Variants in LRP2 observed in about 807,000 individuals in gnomAD.
The protein encoded by LRP2 is LDL receptor related protein 2, also known as low-density lipoprotein receptor-related protein 2.
A neutral mutation model predicts 531.0 loss-of-function variants in LRP2; 172 were observed. The ratio of observed to expected loss-of-function variants is 0.32; its 90% CI spans 0.29 to 0.37. The LOEUF (loss-of-function observed/expected upper bound fraction) is 0.37. Among genes scored for constraint, LRP2 ranks in the 10% least tolerant of loss-of-function variants. The pLI, the probability that LRP2 is intolerant of heterozygous loss-of-function variation, is 1.00. For synonymous variants in LRP2, 1,992 were observed against 2,027.6 expected (o/e 0.98, Z 0.47); for missense variants, 5,167 against 5,868.3 (o/e 0.88, Z 3.90).
intron 10 of LRP2, among the ~76,000 whole-genome samples, chr2:169,281,976 C>A (rs1683716169): frequency 6.6e-6 from 1 of 151,922 alleles, no homozygotes; most frequent in African/African-American, 2.4e-5. Context: ...AGGTGAAAAC[C>A]ATGCAGAGGG....
rs2105447534 is a variant in LRP2, at chr2:169,277,891, G to A, written c.1626C>T (p.Phe542=). Residue 542 remains phenylalanine, a synonymous_variant, in exon 13 of 79, where the codon TTC becomes TTT. Coordinates refer to ENST00000649046, the MANE Select transcript of LRP2 (RefSeq NM_004525.3). ...LSGEPKLERA[F]MDGSNRKDLV... ...AGTCTTTACGGTTGCTGCCATCCATGAATGCCCTTTCCAGCTTAGGTTCCC... is the reference window on the plus strand; with the variant it reads ...AGTCTTTACGGTTGCTGCCATCCATAAATGCCCTTTCCAGCTTAGGTTCCC... 4 of 1,614,034 alleles carry A rather than the reference G, an allele frequency of 2.5e-6. No individual in the cohort carries two copies. The highest frequency in any genetic ancestry group is 1.1e-5 in the South Asian group (1 of 91,074).
At position 169,321,717 on chromosome 2, in the gene LRP2, AT is replaced by A. The variant is rs553213898; in HGVS notation, c.80-834del. Reference sequence around the variant, plus strand: ...ATCTATAAGCTCATCTCTGCAAACAATTTTTTTTAAACCAAAGAGCCAAAAA... The same window carrying A: ...ATCTATAAGCTCATCTCTGCAAACAATTTTTTTAAACCAAAGAGCCAAAAA... On this transcript the variant is annotated intron_variant, in intron 1 of 78. Transcript: ENST00000649046. Among the ~76,000 whole-genome samples, 433 of 152,156 alleles carry A rather than the reference AT, an allele frequency of 2.8e-3. 2 individuals carry two copies. The highest frequency in any genetic ancestry group is 9.8e-3 in the African/African-American group (406 of 41,540).
chr2:169,352,137 C>A (rs545758249), intron 1 of LRP2, among the ~76,000 whole-genome samples: 1 of 152,162 alleles, frequency 6.6e-6, no homozygotes, highest in Non-Finnish European at 1.5e-5. Context: ...AATTCAGATT[C>A]AGGTGAGAAA....
At position 169,187,980 on chromosome 2, in the gene LRP2, C is replaced by T. The variant is rs758796299; in HGVS notation, c.9318G>A (p.Glu3106=). The T allele has an allele frequency of 8.1e-6, 13 of 1,614,068 alleles. No individual in the cohort carries two copies. The East Asian group carries it at 2.7e-4, about 33-fold the overall frequency. The change falls in exon 49 of 79, where the codon GAG becomes GAA. Residue 3106 remains glutamate (E), a synonymous_variant. Coordinates refer to ENST00000649046, the MANE Select transcript of LRP2 (RefSeq NM_004525.3). ...CTCTGTTGTACTCACCACAGCCTTT[C>T]TCATCGCTGTTGTCCAAACAGTCAT... ...HLDDCLDNSD[E]KGCGINECHD...
intron 54 of LRP2, 127 bp downstream of exon 54, chr2:169,176,284 C>T: frequency 9.9e-7 from 1 of 1,005,450 alleles, no homozygotes; most frequent in Non-Finnish European, 1.5e-6. Flanking sequence ...TTGCTGTGTT[C>T]CACATGAACC....
chr2:169,311,277 T>A (rs1286809884), intron 3 of LRP2, among the ~76,000 whole-genome samples: 1 of 152,218 alleles, frequency 6.6e-6, no homozygotes, highest in Non-Finnish European at 1.5e-5. Context: ...TCTCTAGTTC[T>A]TTTAATTGTG....
At chr2:169,349,891 G>C (rs1685799350) in intron 1 of LRP2, among the ~76,000 whole-genome samples, 1 of 152,102 alleles carries the variant, frequency 6.6e-6, no homozygotes, top group South Asian at 2.1e-4. Context: ...GTCTGTTTTT[G>C]GGCAACCCAA....
chr2:169,136,737 T>C (rs902485041), intron 76 of LRP2, among the ~76,000 whole-genome samples: 5 of 150,252 alleles, frequency 3.3e-5, no homozygotes, highest in Non-Finnish European at 7.4e-5. Context: ...CCTATCTCCC[T>C]TCGCTGACTC....
chr2:169,342,781 T>TA (rs532666896), intron 1 of LRP2, among the ~76,000 whole-genome samples: 2,694 of 151,532 alleles, frequency 0.018, 63 homozygotes, highest in African/African-American at 0.054. Context: ...CAGTTCCTGA[T>TA]AAAAAAAAAG....
chr2:169,361,330 G>GTCTCTCTGTCTCTCTCTCTCTCTC (rs1686144293), intron 1 of LRP2, among the ~76,000 whole-genome samples: 1 of 32,180 alleles, frequency 3.1e-5, no homozygotes, highest in African/African-American at 1.4e-4. Flanking sequence ...GTCTCTCTCT[G>GTCTCTCTGTCTCTCTCTCTCTCTC]TCTCTCTCTG....
At chr2:169,176,703 A>AT in intron 53 of LRP2, 115 bp from the exon 54 acceptor site, 2 of 891,350 alleles carry the variant, frequency 2.2e-6, no homozygotes, top group Non-Finnish European at 3.6e-6. Context: ...AAAAAAAACT[A>AT]TCCTAGATTT....
At chr2:169,325,427 C>T (rs953314999) in intron 1 of LRP2, among the ~76,000 whole-genome samples, 4 of 152,174 alleles carry the variant, frequency 2.6e-5, no homozygotes, top group African/African-American at 7.2e-5. Context: ...ATAATTTTTG[C>T]TTCACTTTTT....
chr2:169,180,784 A>T (rs9287911), intron 52 of LRP2, among the ~76,000 whole-genome samples: 114,056 of 152,202 alleles, frequency 0.75, 42,939 homozygotes, highest in South Asian at 0.85. Flanking sequence ...GCAGAAGACA[A>T]TACTATGGTC....
At chr2:169,294,778 A>G (rs1684094265) in intron 4 of LRP2, 68 bp from the exon 5 acceptor site, 2 of 1,024,738 alleles carry the variant, frequency 2.0e-6, no homozygotes, top group Non-Finnish European at 3.0e-6. Flanking sequence ...AATTTCCTTC[A>G]GCAAACATTT....
In LRP2 at chr2:169,292,361, T is replaced by C. The variant is rs754889830; in HGVS notation, c.661A>G (p.Thr221Ala). ...GSDEHACNYP[T>A]CGGYQFTCPS... ...CAAGTGAACTGGTAACCACCGCAGG[T>C]CGGATAGTCTGGAATAAAGCAACAG... The change falls in exon 7 of 79, where the codon ACC becomes GCC. Residue 221 changes from threonine (T) to alanine (A), a missense_variant. Thr to Ala is a moderately conservative substitution (Grantham distance 58, BLOSUM62 0). Transcript: ENST00000649046. The C allele has an allele frequency of 2.5e-6, 4 of 1,610,896 alleles. No homozygotes were observed.
At chr2:169,292,019 G>A (rs1288518925) in intron 7 of LRP2, among the ~76,000 whole-genome samples, 1 of 152,110 alleles carries the variant, frequency 6.6e-6, no homozygotes, top group Non-Finnish European at 1.5e-5. Flanking sequence ...CTTAAAGATA[G>A]AAGGGAGAGG....
Position 169,188,004 on chromosome 2 carries a change from A to G in LRP2, c.9294T>C (p.Asp3098=). 1 of 1,613,892 alleles carries G rather than the reference A, an allele frequency of 6.2e-7. No individual in the cohort carries two copies. Among genetic ancestry groups the G allele is most frequent in the Non-Finnish European group, 8.5e-7 (1 of 1,179,926 alleles). ...IEMMKLCNHL[D]DCLDNSDEKG... The stretch of plus-strand genomic sequence containing the variant: ...TCTCATCGCTGTTGTCCAAACAGTC[A>G]TCTAGGTGGTTGCAGAGTTTCATCA... Residue 3098 remains aspartate (D), a synonymous_variant, in exon 49 of 79, where the codon GAT becomes GAC. Coordinates refer to ENST00000649046, the MANE Select transcript of LRP2 (RefSeq NM_004525.3).
chr2:169,346,830 C>G (rs1026153203), intron 1 of LRP2, among the ~76,000 whole-genome samples: 6 of 152,192 alleles, frequency 3.9e-5, no homozygotes, highest in African/African-American at 1.2e-4. Flanking sequence ...TGGAGTCTTG[C>G]AACTGTGTTG....
intron 53 of LRP2, 49 bp downstream of exon 53, chr2:169,177,754 T>A (rs1334763590): frequency 6.9e-7 from 1 of 1,447,952 alleles, no homozygotes; most frequent in East Asian, 2.3e-5. Flanking sequence ...AATCATGACA[T>A]GCACATAACC....
Sources: allele counts gnomAD v4.1 joint callset (sites outside exome capture counted in the v4.1 genomes callset), GRCh38; gene constraint gnomAD v4.1.1; transcripts MANE v1.5; gene names NCBI Gene and HGNC (gene_info 2026-07-23, HGNC 2026-07-21).